The following NBEA variants were observed in gnomAD, a reference collection of about 807,000 sequenced individuals.
NBEA encodes lysosomal-trafficking regulator 2.
Under a neutral mutation model 343.4 loss-of-function variants are expected in NBEA, and 44 were observed. The ratio of observed to expected loss-of-function variants is 0.13; its 90% CI spans 0.10 to 0.16. The LOEUF is 0.16. Ranked by LOEUF, NBEA falls within the 10% of genes least tolerant of loss-of-function variation. The probability of loss-of-function intolerance (pLI) is 1.00; values close to 1 mark genes in which losing one functional copy is unlikely to be tolerated. For synonymous variants in NBEA, 1,175 were observed against 1,238.7 expected (o/e 0.95, Z 1.08); for missense variants, 2,555 against 3,631.3 (o/e 0.70, Z 7.62).
At chr13:35,056,774 G>A (rs535881430) in intron 7 of NBEA, among the ~76,000 whole-genome samples, 3 of 152,216 alleles carry the variant, frequency 2.0e-5, no homozygotes, top group African/African-American at 7.2e-5. Flanking sequence ...AAGCAAACAA[G>A]GCCTGGGTTT....
Position 35,159,646 on chromosome 13 carries a change from C to A in NBEA, c.3475C>A (p.Leu1159Ile). The change falls in exon 22 of 59, where the codon CTT becomes ATT. Residue 1159 changes from leucine to isoleucine, a missense_variant. Transcript: ENST00000379939. ...DKIPKQEEKL[L>I]PELSSNHIIP... The stretch of plus-strand genomic sequence containing the variant: ...AATACCCAAACAGGAGGAAAAACTA[C>A]TTCCTGAACTTTCTAGCAATCACAT... 1.2e-6 allele frequency: 2 copies of A among 1,611,072 alleles called. No homozygotes were observed. The highest frequency in any genetic ancestry group is 1.7e-6 in the Non-Finnish European group (2 of 1,178,652).
At chr13:35,087,031 A>AGAT (rs2064808698) in intron 10 of NBEA, among the ~76,000 whole-genome samples, 1 of 151,532 alleles carries the variant, frequency 6.6e-6, no homozygotes, top group Non-Finnish European at 1.5e-5. Context: ...AGTTCCTTGT[A>AGAT]TGTGCTGGAT....
intron 12 of NBEA, among the ~76,000 whole-genome samples, chr13:35,110,563 T>A (rs1399967714): frequency 2.6e-5 from 4 of 152,118 alleles, no homozygotes; most frequent in Non-Finnish European, 5.9e-5. Context: ...TAAATCATTT[T>A]AAAATTATTT....
chr13:35,299,567 T>G (rs2036393099), intron 35 of NBEA, among the ~76,000 whole-genome samples: 1 of 152,178 alleles, frequency 6.6e-6, no homozygotes, highest in African/African-American at 2.4e-5. Context: ...CTTGAGGAAA[T>G]TTTATGCATC....
intron 36 of NBEA, among the ~76,000 whole-genome samples, chr13:35,335,744 A>G (rs1279009378): frequency 6.6e-6 from 1 of 152,016 alleles, no homozygotes; most frequent in Non-Finnish European, 1.5e-5. Flanking sequence ...GCCTTAGGTA[A>G]AAGATAAGAG....
chr13:35,250,812 G>A (rs1396324385), intron 34 of NBEA, among the ~76,000 whole-genome samples: 1 of 152,190 alleles, frequency 6.6e-6, no homozygotes, highest in Non-Finnish European at 1.5e-5. Context: ...CTATGCAGTA[G>A]TGAAATGGGA....
At chr13:35,462,436 A>T (rs1375884215) in intron 40 of NBEA, among the ~76,000 whole-genome samples, 1 of 152,186 alleles carries the variant, frequency 6.6e-6, no homozygotes, top group African/African-American at 2.4e-5. Context: ...TGTATACTAA[A>T]ACATTAACTT....
At chr13:35,083,728 A>G (rs1003173270) in intron 10 of NBEA, among the ~76,000 whole-genome samples, 1 of 152,160 alleles carries the variant, frequency 6.6e-6, no homozygotes, top group Non-Finnish European at 1.5e-5. Context: ...AGCTAACATC[A>G]TAATGACAGG....
intron 34 of NBEA, among the ~76,000 whole-genome samples, chr13:35,266,237 G>A (rs568065576): frequency 5.9e-5 from 9 of 151,926 alleles, no homozygotes; most frequent in African/African-American, 1.9e-4. Context: ...CACTGTTGGC[G>A]GGAATGTGAA....
In NBEA at chr13:35,630,309, A is replaced by G. The variant is rs543784615; in HGVS notation, c.7617+2061A>G. Among the ~76,000 whole-genome samples, 118 of 152,350 alleles carry G rather than the reference A, an allele frequency of 7.7e-4. 1 individual carries two copies. Among genetic ancestry groups the G allele is most frequent in the African/African-American group, 2.8e-3 (115 of 41,594 alleles). ...ACAAAATAACATCATTGCTTTGGAC[A>G]GTGAAAGAATTGTGTATAAGGCTTT... is the stretch of plus-strand genomic sequence containing the variant. On this transcript the variant is annotated intron_variant, in intron 49 of 58. Coordinates refer to ENST00000379939, the MANE Select transcript of NBEA (RefSeq NM_001385012.1).
chr13:35,371,686 T>A (rs1487007253), intron 38 of NBEA, among the ~76,000 whole-genome samples: 1 of 152,148 alleles, frequency 6.6e-6, no homozygotes, highest in Non-Finnish European at 1.5e-5. Flanking sequence ...TTCTTCATGG[T>A]TCCTATATCC....
At chr13:35,019,412 C>T (rs750351891) in intron 1 of NBEA, among the ~76,000 whole-genome samples, 1 of 151,866 alleles carries the variant, frequency 6.6e-6, no homozygotes, top group Non-Finnish European at 1.5e-5. Flanking sequence ...ATTCTTGTGC[C>T]TCAGGCTCCC....
intron 34 of NBEA, among the ~76,000 whole-genome samples, chr13:35,278,748 C>CTA (rs2034825277): frequency 6.6e-6 from 1 of 152,132 alleles, no homozygotes; most frequent in Non-Finnish European, 1.5e-5. Flanking sequence ...ACAGAAAGAA[C>CTA]TATGTATGCT....
chr13:35,634,393 A>G (rs1262058281), intron 49 of NBEA, among the ~76,000 whole-genome samples: 4 of 152,328 alleles, frequency 2.6e-5, no homozygotes, highest in South Asian at 2.1e-4. Flanking sequence ...TTATCAAATG[A>G]ATTAGCAACA....
chr13:35,218,709 C>T (rs1332352798), intron 33 of NBEA, among the ~76,000 whole-genome samples: 5 of 151,788 alleles, frequency 3.3e-5, no homozygotes, highest in African/African-American at 4.8e-5. Flanking sequence ...GCTATCATGA[C>T]GTATGTTGAA....
chr13:35,111,659 A>G (rs575676727), intron 13 of NBEA, among the ~76,000 whole-genome samples: 10 of 152,090 alleles, frequency 6.6e-5, no homozygotes, highest in Admixed American at 5.2e-4. Flanking sequence ...TACCATTTAC[A>G]TCGTTTCTAA....
At chr13:35,349,486 A>G (rs1594306975) in intron 37 of NBEA, among the ~76,000 whole-genome samples, 1 of 152,108 alleles carries the variant, frequency 6.6e-6, no homozygotes, top group East Asian at 1.9e-4. Context: ...AAATGCAAAA[A>G]ATAATTTATA....
chr13:35,333,206 G>T lies in NBEA; in HGVS notation c.5904-15902G>T, dbSNP rs562619831. ...AAAAGATTTTAGATCTCTAAGGGCT[G>T]CAAAGGTTAGAATTGTGAAATAAAA... On this transcript the variant is annotated intron_variant, in intron 36 of 58. Transcript: ENST00000379939. 6.6e-4 allele frequency among the ~76,000 whole-genome samples: 101 copies of T among 152,116 alleles called. 1 individual carries two copies. The highest frequency in any genetic ancestry group is 2.4e-3 in the African/African-American group (99 of 41,528).
chr13:35,609,261 A>G (rs1470427329), intron 48 of NBEA, among the ~76,000 whole-genome samples: 2 of 152,242 alleles, frequency 1.3e-5, no homozygotes, highest in Non-Finnish European at 2.9e-5. Context: ...AGTAATGCAG[A>G]CTGGATGAGC....
Sources: gnomAD v4.1 joint callset for allele counts (sites outside exome capture counted in the v4.1 genomes callset) on GRCh38, gnomAD v4.1.1 for gene constraint, MANE v1.5 for transcripts, NCBI Gene and HGNC (gene_info 2026-07-23, HGNC 2026-07-21) for gene names.